CHIC2: variants seen among roughly 807,000 people sequenced by gnomAD.
The protein encoded by CHIC2 is cysteine rich hydrophobic domain 2.
A neutral mutation model predicts 25.9 loss-of-function variants in CHIC2; 14 were observed. That is an observed-to-expected ratio of 0.54 (90% confidence interval 0.36 to 0.85). The LOEUF (loss-of-function observed/expected upper bound fraction) is 0.85. Ranked by LOEUF, CHIC2 falls within the 40% of genes least tolerant of loss-of-function variation. The pLI is 0.01. For missense variants in CHIC2, 146 were observed against 202.0 expected (o/e 0.72, Z 1.68); for synonymous variants, 70 against 72.0 (o/e 0.97, Z 0.14).
chr4:54,085,698 G>A, the CHIC2 span, among the ~76,000 whole-genome samples: 4 of 152,156 alleles, frequency 2.6e-5, no homozygotes, highest in South Asian at 2.1e-4. Flanking sequence ...GCTGTGATGT[G>A]AGCAGCTAAA....
intron 1 of CHIC2, among the ~76,000 whole-genome samples, chr4:54,051,752 T>C (rs1042984393): frequency 6.6e-6 from 1 of 152,184 alleles, no homozygotes; most frequent in Non-Finnish European, 1.5e-5. Context: ...TTCAGGCTCC[T>C]TAAACATAGC....
At chr4:54,021,258 G>A (rs1715891191) in intron 3 of CHIC2, among the ~76,000 whole-genome samples, 1 of 152,080 alleles carries the variant, frequency 6.6e-6, no homozygotes, top group Non-Finnish European at 1.5e-5. Context: ...GTCGAAAAAT[G>A]GGCAAATGGT....
chr4:54,051,578 A>T (rs927504869), intron 1 of CHIC2, among the ~76,000 whole-genome samples: 14 of 152,086 alleles, frequency 9.2e-5, no homozygotes, highest in African/African-American at 3.4e-4. Context: ...AATGTCATGG[A>T]ATATAAACTG....
In CHIC2 at chr4:54,030,534, A is replaced by AT. The variant is rs200420103; in HGVS notation, c.331-16416_331-16415insA. On this transcript the variant is annotated intron_variant, in intron 3 of 5. Coordinates refer to ENST00000263921, the MANE Select transcript of CHIC2 (RefSeq NM_012110.4). ...TCCCTATCTCAAAAGAAAAAAAAAA[A>AT]AAAATATATATATATATGTATACAC... 5.7e-3 allele frequency among the ~76,000 whole-genome samples: 748 copies of AT among 130,794 alleles called. 5 individuals are homozygous for AT. The highest frequency in any genetic ancestry group is 0.022 in the African/African-American group (704 of 31,968). The allele number at this position is 130,794 out of a possible 152,430, so 85.8% of individuals were successfully genotyped here.
intron 1 of CHIC2, among the ~76,000 whole-genome samples, chr4:54,057,127 A>G (rs1717201188): frequency 1.3e-5 from 2 of 152,318 alleles, no homozygotes; most frequent in Middle Eastern, 3.4e-3. Flanking sequence ...GGAATTAGAC[A>G]GCAAAAGTGG....
chr4:54,027,005 T>C (rs936025279), intron 3 of CHIC2, among the ~76,000 whole-genome samples: 1 of 152,200 alleles, frequency 6.6e-6, no homozygotes, highest in African/African-American at 2.4e-5. Context: ...TCTTAGCCAC[T>C]AACAAGGCTA....
intron 3 of CHIC2, among the ~76,000 whole-genome samples, chr4:54,031,533 A>G (rs1716228163): frequency 6.6e-6 from 1 of 151,964 alleles, no homozygotes; most frequent in African/African-American, 2.4e-5. Flanking sequence ...TAATACTAAA[A>G]TGATAATAAC....
chr4:54,021,088 C>A (rs577344751), intron 3 of CHIC2, among the ~76,000 whole-genome samples: 4 of 151,790 alleles, frequency 2.6e-5, no homozygotes, highest in Non-Finnish European at 5.9e-5. Flanking sequence ...CTTCTTCTCC[C>A]TTAGCCTGTG....
the CHIC2 span, among the ~76,000 whole-genome samples, chr4:54,088,274 A>G: frequency 2.0e-5 from 3 of 152,060 alleles, no homozygotes; most frequent in African/African-American, 7.2e-5. Flanking sequence ...GTCTTTGCGC[A>G]AATTGTTGAA....
At chr4:54,080,261 A>AAATAAGAC in the CHIC2 span, among the ~76,000 whole-genome samples, 24 of 151,706 alleles carry the variant, frequency 1.6e-4, no homozygotes, top group African/African-American at 5.8e-4. Flanking sequence ...GACAATGAGG[A>AAATAAGAC]CATTATGCTA....
At chr4:54,039,952 C>T (rs538426922) in intron 3 of CHIC2, among the ~76,000 whole-genome samples, 3 of 152,142 alleles carry the variant, frequency 2.0e-5, no homozygotes, top group South Asian at 2.1e-4. Context: ...GTTATATACA[C>T]TATTTTACTC....
chr4:54,087,902 G>A, the CHIC2 span: 1 of 221,692 alleles, frequency 4.5e-6, no homozygotes, highest in Non-Finnish European at 9.0e-6. Context: ...CAGGGCTTAT[G>A]TTTCAGTTTG....
At chr4:54,082,998 ACTTTCTTTTTT>A in the CHIC2 span, among the ~76,000 whole-genome samples, 1 of 110,822 alleles carries the variant, frequency 9.0e-6, no homozygotes, top group Non-Finnish European at 1.9e-5. Context: ...TTCTACTCTC[ACTTTCTTTTTT>A]CTTTCTTTCT....
At chr4:54,082,392 G>A in the CHIC2 span, among the ~76,000 whole-genome samples, 4 of 152,206 alleles carry the variant, frequency 2.6e-5, no homozygotes, top group Admixed American at 6.5e-5. Flanking sequence ...TGGATCTTTG[G>A]CATGTTAAAT....
chr4:54,031,630 T>C (rs1196428587), intron 3 of CHIC2, among the ~76,000 whole-genome samples: 6 of 143,108 alleles, frequency 4.2e-5, no homozygotes, highest in African/African-American at 1.6e-4. Context: ...TTTTTTTTTT[T>C]TTTTGTGAGA....
chr4:54,061,053 A>G (rs1717318210), intron 1 of CHIC2: 2 of 152,296 alleles, frequency 1.3e-5, no homozygotes, highest in Non-Finnish European at 2.9e-5. Context: ...AGAATGTCAG[A>G]AAAGAATACT....
At chr4:54,064,638 C>G (rs1437970138), upstream of CHIC2, 2 of 1,077,984 alleles carry the variant, frequency 1.9e-6, no homozygotes, top group Non-Finnish European at 2.3e-6. The surrounding 1 kb of genome is among the most constrained non-coding windows in gnomAD (Gnocchi z 4.2). Flanking sequence ...GCAGCGGGAG[C>G]AGCCGGCTAC....
At chr4:54,080,917 G>T in the CHIC2 span, among the ~76,000 whole-genome samples, 1 of 138,056 alleles carries the variant, frequency 7.2e-6, no homozygotes, top group Non-Finnish European at 1.5e-5. Flanking sequence ...GCTTGATTGT[G>T]GTAATCATTT....
chr4:54,038,682 G>T (rs1716468156), intron 3 of CHIC2, among the ~76,000 whole-genome samples: 1 of 151,944 alleles, frequency 6.6e-6, no homozygotes, highest in African/African-American at 2.4e-5. Flanking sequence ...TGAAAAATAA[G>T]AAAAAAATTG....
Sources: gnomAD v4.1 joint callset for allele counts (sites outside exome capture counted in the v4.1 genomes callset) on GRCh38, gnomAD v4.1.1 for gene constraint, Gnocchi (gnomAD v3.1) non-coding constraint, MANE v1.5 for transcripts, NCBI Gene and HGNC (gene_info 2026-07-23, HGNC 2026-07-21) for gene names.